The following PSG4 variants were observed in gnomAD, a reference collection of about 807,000 sequenced individuals.
PSG4 encodes the protein pregnancy-specific beta-1-glycoprotein 4.
Under a neutral mutation model 44.3 loss-of-function variants are expected in PSG4, and 61 were observed. That is an observed-to-expected ratio of 1.38 (90% confidence interval 1.12 to 1.70). The LOEUF (loss-of-function observed/expected upper bound fraction) is 1.70, where lower values mean the gene tolerates loss of function less well. PSG4 is among the 40% of genes most tolerant of loss of function. PSG4 has a pLI of 0.00. For missense variants in PSG4, 677 were observed against 511.7 expected, an observed-to-expected ratio of 1.32 and a Z score of -3.12; for synonymous variants, 248 against 191.3, an observed-to-expected ratio of 1.30 and a Z score of -2.45.
intron 2 of PSG4, among the ~76,000 whole-genome samples, chr19:43,200,136 C>T (rs1199827030): frequency 6.9e-6 from 1 of 145,538 alleles, no homozygotes; most frequent in Non-Finnish European, 1.5e-5. Flanking sequence ...TCAGGAAATA[C>T]CACTAAAGTT....
Position 43,205,343 on chromosome 19 carries a change from C to A in PSG4, c.64+130G>T, listed in dbSNP as rs1418989195. On this transcript the variant is annotated intron_variant, in intron 1 of 5. Transcript: ENST00000405312. ...AGACTGATCTTGAACTCCTGATCTCCTGATCCACCCAACTCAGCCTCCCAA... is the reference window on the plus strand; with the variant it reads ...AGACTGATCTTGAACTCCTGATCTCATGATCCACCCAACTCAGCCTCCCAA... The A allele has an allele frequency of 2.8e-5, 33 of 1,158,370 alleles. 2 individuals are homozygous for A. Among genetic ancestry groups the A allele is most frequent in the South Asian group, 5.4e-5 (4 of 74,498 alleles). 71.8% of individuals were successfully genotyped at this position (1,158,370 alleles called of 1,614,324 possible).
intron 2 of PSG4, among the ~76,000 whole-genome samples, chr19:43,200,706 G>C (rs1187981148): frequency 6.9e-6 from 1 of 145,326 alleles, no homozygotes; most frequent in Non-Finnish European, 1.5e-5. Context: ...CTCCCAAGTA[G>C]CTGGGACTAC....
chr19:43,199,596 T>C (rs1195619914), intron 2 of PSG4, among the ~76,000 whole-genome samples: 1 of 144,796 alleles, frequency 6.9e-6, no homozygotes, highest in Non-Finnish European at 1.5e-5. Flanking sequence ...GTCAGAAGGG[T>C]TGAGTTTTGA....
chr19:43,202,124 A>T (rs1285457180), intron 2 of PSG4, among the ~76,000 whole-genome samples: 1 of 145,570 alleles, frequency 6.9e-6, no homozygotes, highest in African/African-American at 2.6e-5. Context: ...AGTCAGAGGG[A>T]GTGTCTGGGG....
intron 2 of PSG4, among the ~76,000 whole-genome samples, chr19:43,202,176 T>G (rs1967544767): frequency 6.9e-6 from 1 of 145,418 alleles, no homozygotes; most frequent in Non-Finnish European, 1.5e-5. Flanking sequence ...GGACAGGGCT[T>G]GCCAGTCAGA....
At chr19:43,193,997 TA>T (rs1967117673) in intron 5 of PSG4, 4 of 895,184 alleles carry the variant, frequency 4.5e-6, no homozygotes, top group Non-Finnish European at 7.0e-6. Flanking sequence ...ATAGATAGAT[TA>T]AAAGAAAAAA....
intron 2 of PSG4, among the ~76,000 whole-genome samples, chr19:43,202,200 A>C (rs972939378): frequency 6.9e-6 from 1 of 145,476 alleles, no homozygotes; most frequent in Non-Finnish European, 1.5e-5. Context: ...AAGTGGGAGG[A>C]AGATGAGGGA....
At chr19:43,199,093 A>T (rs138598157) in intron 2 of PSG4, among the ~76,000 whole-genome samples, 7,478 of 146,324 alleles carry the variant, frequency 0.051, 891 homozygotes, top group Non-Finnish European at 0.067. Flanking sequence ...CAAATGCAGA[A>T]CTGACTGGTG....
At position 43,205,595 on chromosome 19, in the gene PSG4, CT is replaced by C; in HGVS notation, c.-60del. ...GATAAGCCTAGGATCCAGAAGCTTC[CT>C]GAGTACGGCTGTCAGCTGTGCTGTC... On this transcript the variant is annotated 5_prime_UTR_variant, in exon 1 of 6. Transcript: ENST00000405312. 6.8e-7 allele frequency: 1 copy of C among 1,460,478 alleles called. No individual in the cohort carries two copies. Among genetic ancestry groups the C allele is most frequent in the Non-Finnish European group, 9.2e-7 (1 of 1,088,872 alleles). 90.5% of individuals were successfully genotyped at this position (1,460,478 alleles called of 1,614,324 possible).
Position 43,205,540 on chromosome 19 carries a change from C to G in PSG4, c.-4G>C. The G allele has an allele frequency of 1.3e-6, 2 of 1,549,520 alleles. No homozygotes were observed. The highest frequency in any genetic ancestry group is 1.7e-6 in the Non-Finnish European group (2 of 1,147,486). ...GAGGGGCTGAGAGGGGCCCCATGGT[C>G]TCTGCTGCTTGTGTGTTCTCCTCTG... On this transcript the variant is annotated 5_prime_UTR_variant, in exon 1 of 6. Coordinates refer to ENST00000405312, the MANE Select transcript of PSG4 (RefSeq NM_002780.5).
At chr19:43,194,665 G>T in intron 4 of PSG4, 71 bp from the exon 5 acceptor site, 1 of 1,551,602 alleles carries the variant, frequency 6.4e-7, no homozygotes, top group Non-Finnish European at 8.7e-7. Flanking sequence ...CTCTTAAAGG[G>T]ACACAGTTAC....
chr19:43,203,889 G>T lies in PSG4; in HGVS notation c.427C>A (p.His143Asn), dbSNP rs1397538520. The change falls in exon 2 of 6, where the codon CAC becomes AAC. Residue 143 changes from histidine (H) to asparagine (N), a missense_variant. Transcript: ENST00000405312. ...GVTGHFTFTL[H>N]LETPKPSISS... The stretch of plus-strand genomic sequence containing the variant: ...GGGATCATGTGGAATCACTCACGGT[G>T]TAAGGTGAAGGTGAAATGTCCAGTT... 6 of 1,579,192 alleles carry T rather than the reference G, an allele frequency of 3.8e-6. 1 individual carries two copies. In the Middle Eastern group the frequency reaches 8.4e-4, roughly 222 times the overall value.
At chr19:43,204,720 C>A in intron 1 of PSG4, 1 of 250,784 alleles carries the variant, frequency 4.0e-6, no homozygotes, top group South Asian at 4.0e-5. Flanking sequence ...GTGTGAGCTC[C>A]GTGAGGACAG....
Position 43,204,408 on chromosome 19 carries a change from T to C in PSG4, c.65-157A>G. On this transcript the variant is annotated intron_variant, in intron 1 of 5. Coordinates refer to ENST00000405312, the MANE Select transcript of PSG4 (RefSeq NM_002780.5). ...CTAAAGGGGCGTGAGTGTATGTGTG[T>C]GTGTCCTACTGTCCCACTAGGTCAA... 4.0e-6 allele frequency: 4 copies of C among 1,010,476 alleles called. 1 individual carries two copies. Among genetic ancestry groups the C allele is most frequent in the Middle Eastern group, 3.2e-4 (1 of 3,122 alleles). The allele number at this position is 1,010,476 out of a possible 1,614,324, so 62.6% of individuals were successfully genotyped here.
Position 43,203,934 on chromosome 19 carries a change from G to T in PSG4, c.382C>A (p.Arg128Ser). 6.3e-7 allele frequency: 1 copy of T among 1,585,774 alleles called. No homozygotes were observed. The highest frequency in any genetic ancestry group is 1.1e-5 in the South Asian group (1 of 89,688). The change falls in exon 2 of 6, where the codon CGC (arginine) becomes AGC (serine). Residue 128 changes from arginine to serine, a missense_variant. Physicochemically the swap from Arg to Ser is moderately radical, Grantham distance 110. Transcript: ENST00000405312. The stretch of plus-strand genomic sequence containing the variant: ...CCAGTTACTCCTCCAGTCCCATCGC[G>T]TCGCTTTATGATGTGTAAGGTGTAG... Reference protein sequence around the residue: ...GSYTLHIIKRRDGTGGVTGHF... With the variant: ...GSYTLHIIKRSDGTGGVTGHF...
rs1219285842 is a variant in PSG4 at position 43,195,133 on chromosome 19, G to A, written c.850C>T (p.Pro284Ser). ...TTTTCAATGGGTCGCTTTACCCTGGGACTGACAGGGAGGCTCTGACCATTT... is the reference window on the plus strand; with the variant it reads ...TTTTCAATGGGTCGCTTTACCCTGGAACTGACAGGGAGGCTCTGACCATTT... ...WLNGQSLPVS[P>S]RVKRPIENRI... Residue 284 changes from proline (P) to serine (S), a missense_variant, in exon 4 of 6, where the codon CCC becomes TCC. By Grantham distance (74) the Pro-to-Ser change is moderately conservative. Transcript: ENST00000405312. 22 of 1,610,544 alleles carry A rather than the reference G, an allele frequency of 1.4e-5. 1 individual carries two copies. Among genetic ancestry groups the A allele is most frequent in the Non-Finnish European group, 1.8e-5 (21 of 1,179,074 alleles).
intron 2 of PSG4, chr19:43,198,801 G>A (rs1472844855): frequency 2.0e-5 from 3 of 152,770 alleles, no homozygotes; most frequent in Non-Finnish European, 2.8e-5. Flanking sequence ...TAACACAGGG[G>A]AGACCAGAGT....
intron 1 of PSG4, 102 bp from the exon 2 acceptor site, chr19:43,204,353 C>T: frequency 1.5e-6 from 2 of 1,346,206 alleles, no homozygotes; most frequent in Middle Eastern, 2.0e-4. Flanking sequence ...TGAAGACACA[C>T]AAACACACAC....
At chr19:43,204,694 T>TCCACC in intron 1 of PSG4, 1 of 147,106 alleles carries the variant, frequency 6.8e-6, no homozygotes, top group South Asian at 7.6e-5. Flanking sequence ...ATGTCTGTCT[T>TCCACC]CCCCCCACGA....
Sources: gnomAD v4.1 joint callset for allele counts (sites outside exome capture counted in the v4.1 genomes callset) on GRCh38, gnomAD v4.1.1 for gene constraint, MANE v1.5 for transcripts, NCBI Gene and HGNC (gene_info 2026-07-23, HGNC 2026-07-21) for gene names.